Variants in ANKRD62 observed in about 807,000 individuals in gnomAD.
ANKRD62 encodes the protein ankyrin repeat domain-containing protein 62.
A neutral mutation model predicts 98.8 loss-of-function variants in ANKRD62; 61 were observed. The observed-to-expected ratio is 0.62, with a 90% CI of 0.50 to 0.76. The LOEUF (loss-of-function observed/expected upper bound fraction) is 0.76. Ranked by LOEUF, ANKRD62 falls within the 30% of genes least tolerant of loss-of-function variation. ANKRD62 has a pLI of 0.00. For missense variants in ANKRD62, 933 were observed against 1,082.9 expected (o/e 0.86, Z 1.94); for synonymous variants, 341 against 367.9 (o/e 0.93, Z 0.84).
At chr18:12,146,385 C>G in the ANKRD62 span, among the ~76,000 whole-genome samples, 1 of 152,074 alleles carries the variant, frequency 6.6e-6, no homozygotes, top group African/African-American at 2.4e-5. Flanking sequence ...CATCTGGAGG[C>G]TGGAAGAGAC....
At chr18:12,146,356 G>C in the ANKRD62 span, among the ~76,000 whole-genome samples, 1 of 152,126 alleles carries the variant, frequency 6.6e-6, no homozygotes, top group South Asian at 2.1e-4. Context: ...TCGGCCTTCA[G>C]TCTTTGGAGA....
At chr18:12,102,009 G>T in intron 6 of ANKRD62, 1 of 1,329,378 alleles carries the variant, frequency 7.5e-7, no homozygotes, top group Non-Finnish European at 1.1e-6. Flanking sequence ...TCCACAGCGT[G>T]GCAACAGCTT....
At chr18:12,165,964 G>T in the ANKRD62 span, among the ~76,000 whole-genome samples, 1 of 152,002 alleles carries the variant, frequency 6.6e-6, no homozygotes, top group African/African-American at 2.4e-5. Flanking sequence ...TTCTCTCCTG[G>T]CCTGTAAGGT....
At chr18:12,173,345 G>A in the ANKRD62 span, among the ~76,000 whole-genome samples, 7 of 152,108 alleles carry the variant, frequency 4.6e-5, no homozygotes, top group Admixed American at 3.3e-4. Context: ...CATTTGCTTG[G>A]TCGATTTTTC....
At position 12,095,197 on chromosome 18, in the gene ANKRD62, A is replaced by T. The variant is rs1909155031; in HGVS notation, c.245A>T (p.His82Leu). Residue 82 changes from histidine (H) to leucine (L), a missense_variant, in exon 2 of 14, where the codon CAT becomes CTT. Physicochemically the swap from His to Leu is moderately conservative, Grantham distance 99 (BLOSUM62 -3). Transcript: ENST00000587848. Reference protein sequence around the residue: ...NRTALLLACAHGRPGVVADLV... With the variant: ...NRTALLLACALGRPGVVADLV... ...ACTGCTCTACTTTTGGCGTGTGCCC[A>T]TGGCCGTCCAGGAGTGGTAGCTGAC... is the stretch of plus-strand genomic sequence containing the variant. 1 of 1,536,702 alleles carries T rather than the reference A, an allele frequency of 6.5e-7. No homozygotes were observed. The highest frequency in any genetic ancestry group is 1.4e-5 in the African/African-American group (1 of 73,092).
At chr18:12,153,867 T>C in the ANKRD62 span, among the ~76,000 whole-genome samples, 2 of 152,226 alleles carry the variant, frequency 1.3e-5, no homozygotes, top group African/African-American at 4.8e-5. Context: ...AAAGATTCCC[T>C]ATTCAGTAAA....
At chr18:12,106,896 A>C (rs1191010956) in intron 7 of ANKRD62, among the ~76,000 whole-genome samples, 4 of 152,272 alleles carry the variant, frequency 2.6e-5, no homozygotes, top group Non-Finnish European at 5.9e-5. Flanking sequence ...ACATCCTCTA[A>C]ATCTGGCCGT....
chr18:12,179,544 A>C, the ANKRD62 span, among the ~76,000 whole-genome samples: 1 of 150,968 alleles, frequency 6.6e-6, no homozygotes. Context: ...ACATTTCTCC[A>C]CAGACACTGC....
chr18:12,099,169 C>T (rs942872903), intron 5 of ANKRD62, among the ~76,000 whole-genome samples: 1 of 152,074 alleles, frequency 6.6e-6, no homozygotes, highest in Non-Finnish European at 1.5e-5. Flanking sequence ...TTTGGGATTC[C>T]AAAATAATTT....
chr18:12,125,533 T>A lies in ANKRD62; in HGVS notation c.1712T>A (p.Leu571His). 1 of 1,511,620 alleles carries A rather than the reference T, an allele frequency of 6.6e-7. No homozygotes were observed. 93.6% of individuals were successfully genotyped at this position (1,511,620 alleles called of 1,614,324 possible). A position where few individuals can be genotyped will look rare whatever the true frequency, so the allele number is the denominator to read the frequency against. ...NHLMRDEIARLRLEIDTIKHQ... is the reference protein window; with the variant it reads ...NHLMRDEIARHRLEIDTIKHQ... ...TTGATGCGGGATGAAATTGCCAGAC[T>A]CAGGCTGGAAATAGACACAATAAAA... The change falls in exon 13 of 14, where the codon CTC (leucine) becomes CAC (histidine). Residue 571 changes from leucine (L) to histidine (H), a missense_variant. Coordinates refer to ENST00000587848, the MANE Select transcript of ANKRD62 (RefSeq NM_001277333.2).
At chr18:12,131,538 A>G (rs1910004912), downstream of ANKRD62, among the ~76,000 whole-genome samples, 1 of 152,118 alleles carries the variant, frequency 6.6e-6, no homozygotes, top group Non-Finnish European at 1.5e-5. Context: ...CTGGCTCTAC[A>G]CTTGTTCCAT....
the ANKRD62 span, among the ~76,000 whole-genome samples, chr18:12,170,380 G>A: frequency 1.3e-5 from 2 of 152,076 alleles, no homozygotes; most frequent in Non-Finnish European, 2.9e-5. Flanking sequence ...TCTTCATTTC[G>A]TTATGTATCC....
chr18:12,125,458 A>T lies in ANKRD62; in HGVS notation c.1639-2A>T. ...GTTGAGAGTTTTCTTTGTTTTATTT[A>T]GAATTTTCATACTCATGAAAGAGAA... On this transcript the variant is annotated splice_acceptor_variant, in intron 12 of 13. Transcript: ENST00000587848. LOFTEE classifies it high-confidence loss of function. The T allele has an allele frequency of 6.9e-7, 1 of 1,445,414 alleles. No homozygotes were observed. The highest frequency in any genetic ancestry group is 9.0e-7 in the Non-Finnish European group (1 of 1,109,258). The allele number at this position is 1,445,414 out of a possible 1,614,324, so 89.5% of individuals were successfully genotyped here.
downstream of ANKRD62, chr18:12,129,848 A>G (rs1300707939): frequency 1.3e-5 from 2 of 152,472 alleles, no homozygotes; most frequent in South Asian, 2.1e-4. Context: ...TATTTTATAT[A>G]TAACCATATT....
chr18:12,139,059 G>A, the ANKRD62 span, among the ~76,000 whole-genome samples: 1 of 152,098 alleles, frequency 6.6e-6, no homozygotes, highest in East Asian at 1.9e-4. Context: ...GGTTAGTATT[G>A]TTATGTGTGA....
intron 10 of ANKRD62, among the ~76,000 whole-genome samples, chr18:12,118,329 C>T (rs112322767): frequency 6.6e-6 from 1 of 151,922 alleles, no homozygotes; most frequent in African/African-American, 2.4e-5. Context: ...CTTTTTAGGC[C>T]GGGCACGGTG....
At chr18:12,122,856 C>T (rs1909809171) in intron 11 of ANKRD62, among the ~76,000 whole-genome samples, 2 of 152,022 alleles carry the variant, frequency 1.3e-5, no homozygotes, top group African/African-American at 4.8e-5. Flanking sequence ...ATTTCTATTT[C>T]TTTACTTTGG....
chr18:12,100,318 T>C (rs976337002), intron 6 of ANKRD62, among the ~76,000 whole-genome samples: 7 of 152,160 alleles, frequency 4.6e-5, no homozygotes, highest in Non-Finnish European at 8.8e-5. Flanking sequence ...AGAAAGAATA[T>C]ATTTTTATTC....
At chr18:12,103,764 C>G (rs1909357736) in intron 7 of ANKRD62, among the ~76,000 whole-genome samples, 1 of 152,160 alleles carries the variant, frequency 6.6e-6, no homozygotes, top group Non-Finnish European at 1.5e-5. Flanking sequence ...CAAAATGGCA[C>G]TTTTGGTGTT....
Sources: gnomAD v4.1 joint callset for allele counts (sites outside exome capture counted in the v4.1 genomes callset) on GRCh38, gnomAD v4.1.1 for gene constraint, MANE v1.5 for transcripts, NCBI Gene and HGNC (gene_info 2026-07-23, HGNC 2026-07-21) for gene names.